Variants in TMEM132E observed in about 807,000 individuals in gnomAD.
TMEM132E encodes transmembrane protein 132E.
In TMEM132E, 49 loss-of-function variants were observed where a neutral mutation model predicts 78.5. The observed-to-expected ratio is 0.62, with a 90% CI of 0.50 to 0.79. The LOEUF (loss-of-function observed/expected upper bound fraction) is 0.79, where lower values mean the gene tolerates loss of function less well. Ranked by LOEUF, TMEM132E falls within the 30% of genes least tolerant of loss-of-function variation. The probability of loss-of-function intolerance (pLI) is 0.00; values close to 1 mark genes in which losing one functional copy is unlikely to be tolerated. For synonymous variants in TMEM132E, 715 were observed against 670.6 expected, an observed-to-expected ratio of 1.07 and a Z score of -1.02; for missense variants, 1,403 against 1,470.9, an observed-to-expected ratio of 0.95 and a Z score of 0.75.
In TMEM132E at chr17:34,637,950, C is replaced by G. The variant is rs375307089; in HGVS notation, c.2943C>G (p.Ser981Arg). Residue 981 changes from serine (S) to arginine (R), a missense_variant, in exon 9 of 9, where the codon AGC (serine) becomes AGG (arginine). Ser to Arg is a moderately radical substitution (Grantham distance 110). Coordinates refer to ENST00000631683, the MANE Select transcript of TMEM132E (RefSeq NM_001304438.2). ...SSGSSQTSVQ[S>R]QVHGRGDGSS... ...GCAGCTCGCAGACCAGCGTCCAGAG[C>G]CAGGTGCACGGCAGGGGCGACGGCT... The G allele has an allele frequency of 6.8e-6, 11 of 1,606,064 alleles. No homozygotes were observed. The highest frequency in any genetic ancestry group is 9.3e-6 in the Non-Finnish European group (11 of 1,177,582).
At chr17:34,608,264 T>C (rs1041117458) in intron 1 of TMEM132E, among the ~76,000 whole-genome samples, 1 of 152,222 alleles carries the variant, frequency 6.6e-6, no homozygotes. Flanking sequence ...AAACCAAATA[T>C]ATATTTCTTA....
rs1483324691 is a variant in TMEM132E at position 34,638,114 on chromosome 17, A to T, written c.3107A>T (p.Glu1036Val). The stretch of plus-strand genomic sequence containing the variant: ...TATGACTCGGTGCCCGCGGGCGAAG[A>T]GGACGAGGAGGAGGAAGAGGACCTG... ...LAYDSVPAGE[E>V]DEEEEEDLGW... is the part of the protein sequence containing the mutation. Residue 1036 changes from glutamate to valine, a missense_variant, in exon 9 of 9, where the codon GAG becomes GTG. Glu to Val is a moderately radical substitution (Grantham distance 121). This residue lies in a region of TMEM132E where 888 missense variants were observed against 952.8 expected (regional missense o/e 0.93). Transcript: ENST00000631683. 6 of 1,603,686 alleles carry T rather than the reference A, an allele frequency of 3.7e-6. No individual in the cohort carries two copies. The highest frequency in any genetic ancestry group is 5.1e-6 in the Non-Finnish European group (6 of 1,175,820).
rs151214976 is a variant in TMEM132E, at chr17:34,626,529, G to C, written c.470G>C (p.Gly157Ala). ...YVAGRDWDDF[G>A]VTERLPCVRL... ...GCCGGCCGGGACTGGGACGACTTCG[G>C]CGTCACCGAGCGGCTGCCCTGTGTC... Residue 157 changes from glycine (G) to alanine (A), a missense_variant, in exon 2 of 9, where the codon GGC (glycine) becomes GCC (alanine). Gly to Ala is a moderately conservative substitution (Grantham distance 60). This residue lies in a region of TMEM132E where 511 missense variants were observed against 499.0 expected (regional missense o/e 1.02). Coordinates refer to ENST00000631683, the MANE Select transcript of TMEM132E (RefSeq NM_001304438.2). The C allele has an allele frequency of 1.2e-4, 195 of 1,601,206 alleles. 2 individuals are homozygous for C. In the African/African-American group the frequency reaches 2.4e-3, roughly 20 times the overall value.
At chr17:34,622,274 A>G (rs182956900) in intron 1 of TMEM132E, among the ~76,000 whole-genome samples, 1 of 152,320 alleles carries the variant, frequency 6.6e-6, no homozygotes, top group East Asian at 1.9e-4. Flanking sequence ...AGAGAGATCA[A>G]GCAGGTTCCT....
At chr17:34,602,272 C>G (rs1906267534) in intron 1 of TMEM132E, among the ~76,000 whole-genome samples, 2 of 152,238 alleles carry the variant, frequency 1.3e-5, no homozygotes, top group South Asian at 4.1e-4. Context: ...CCACTGCCCC[C>G]TGGGCTGGCC....
rs1057028562 is a variant in TMEM132E at position 34,586,031 on chromosome 17, C to T, written c.67+4888C>T. ...TCTTGCTCTCCCAAATGTGAGGGGG[C>T]GGTGCCCTCCAAGCCCCCTCCCAAC... is the stretch of plus-strand genomic sequence containing the variant. On this transcript the variant is annotated intron_variant, in intron 1 of 8. Transcript: ENST00000631683. 9.2e-5 allele frequency among the ~76,000 whole-genome samples: 14 copies of T among 152,104 alleles called. No individual in the cohort carries two copies. The East Asian group carries it at 1.7e-3, about 19-fold the overall frequency.
chr17:34,581,546 C>G (rs1232322412), intron 1 of TMEM132E, among the ~76,000 whole-genome samples: 1 of 152,110 alleles, frequency 6.6e-6, no homozygotes, highest in Non-Finnish European at 1.5e-5. Context: ...GCCGGGATCG[C>G]GTCTTTCCTC....
At position 34,592,761 on chromosome 17, in the gene TMEM132E, A is replaced by G. The variant is rs1040329043; in HGVS notation, c.67+11618A>G. Among the ~76,000 whole-genome samples, 7 of 152,160 alleles carry G rather than the reference A, an allele frequency of 4.6e-5. No individual in the cohort carries two copies. In the East Asian group the frequency reaches 1.3e-3, roughly 29 times the overall value. On this transcript the variant is annotated intron_variant, in intron 1 of 8. Coordinates refer to ENST00000631683, the MANE Select transcript of TMEM132E (RefSeq NM_001304438.2). ...TGGTTGCCATAATCATTATTTCATAATGGTATCATTGGCATCAAGGAACAC... is the reference window on the plus strand; with the variant it reads ...TGGTTGCCATAATCATTATTTCATAGTGGTATCATTGGCATCAAGGAACAC...
Position 34,626,235 on chromosome 17 carries a change from G to A in TMEM132E, c.176G>A (p.Arg59Gln), listed in dbSNP as rs1481662989. Residue 59 changes from arginine (R) to glutamine (Q), a missense_variant, in exon 2 of 9, where the codon CGG becomes CAG. By Grantham distance (43) the Arg-to-Gln change is conservative. Around this residue, in one of 3 missense-constraint regions of TMEM132E, gnomAD observed 511 missense variants for 499.0 expected, o/e 1.02. Coordinates refer to ENST00000631683, the MANE Select transcript of TMEM132E (RefSeq NM_001304438.2). ...LSHTRLAFFL[R>Q]EARPPSPAVA... is the part of the protein sequence containing the mutation. ...CACACGCGGCTGGCCTTCTTCCTGCGGGAGGCGCGGCCCCCGTCACCCGCG... is the reference window on the plus strand; with the variant it reads ...CACACGCGGCTGGCCTTCTTCCTGCAGGAGGCGCGGCCCCCGTCACCCGCG... 9 of 1,592,848 alleles carry A rather than the reference G, an allele frequency of 5.7e-6. No individual in the cohort carries two copies. Among genetic ancestry groups the A allele is most frequent in the Non-Finnish European group, 7.7e-6 (9 of 1,170,298 alleles).
At chr17:34,612,509 C>T (rs1358881784) in intron 1 of TMEM132E, among the ~76,000 whole-genome samples, 1 of 152,258 alleles carries the variant, frequency 6.6e-6, no homozygotes, top group Non-Finnish European at 1.5e-5. Flanking sequence ...AGCCCACTCT[C>T]TGCCACTAAA....
At chr17:34,594,455 C>G (rs888576695) in intron 1 of TMEM132E, among the ~76,000 whole-genome samples, 2 of 152,178 alleles carry the variant, frequency 1.3e-5, no homozygotes, top group African/African-American at 2.4e-5. Flanking sequence ...TCCGTTTCCA[C>G]GTTTATAAAA....
At position 34,637,652 on chromosome 17, in the gene TMEM132E, G is replaced by A. The variant is rs904064618; in HGVS notation, c.2645G>A (p.Arg882Gln). The A allele has an allele frequency of 6.2e-7, 1 of 1,607,800 alleles. No individual in the cohort carries two copies. Among genetic ancestry groups the A allele is most frequent in the Non-Finnish European group, 8.5e-7 (1 of 1,179,504 alleles). The change falls in exon 9 of 9, where the codon CGG becomes CAG. Residue 882 changes from arginine to glutamine, a missense_variant. Arg to Gln is a conservative substitution (Grantham distance 43, BLOSUM62 1). Transcript: ENST00000631683. ...CCCACCGGCTTCCTGCAGGTGCCAC[G>A]GGGTCTGACAGACCTGGAGATCGGC... is the stretch of plus-strand genomic sequence containing the variant. ...PLPTGFLQVP[R>Q]GLTDLEIGMY...
intron 8 of TMEM132E, among the ~76,000 whole-genome samples, chr17:34,636,615 G>A (rs1327441169): frequency 2.6e-5 from 4 of 152,172 alleles, no homozygotes; most frequent in Non-Finnish European, 4.4e-5. Context: ...GAGGAGGTGA[G>A]CATCAAGTGC....
At chr17:34,606,455 G>A (rs377015456) in intron 1 of TMEM132E, among the ~76,000 whole-genome samples, 1 of 152,234 alleles carries the variant, frequency 6.6e-6, no homozygotes, top group South Asian at 2.1e-4. Context: ...GAATTCACAA[G>A]CATAGAAACT....
chr17:34,623,147 G>T (rs1160571231), intron 1 of TMEM132E, among the ~76,000 whole-genome samples: 1 of 152,144 alleles, frequency 6.6e-6, no homozygotes, highest in East Asian at 1.9e-4. Context: ...TGTTGGTTTT[G>T]CCAGACCAGG....
Position 34,626,985 on chromosome 17 carries a change from T to G in TMEM132E, c.926T>G (p.Leu309Arg). The change falls in exon 2 of 9, where the codon CTC becomes CGC. Residue 309 changes from leucine (L) to arginine (R), a missense_variant. This residue lies in a region of TMEM132E where 511 missense variants were observed against 499.0 expected (regional missense o/e 1.02). Transcript: ENST00000631683. ...PDRPLKPGEV[L>R]SILLYLAPNS... ...CGGCCCCTCAAGCCCGGGGAAGTGC[T>G]CAGCATCCTCCTCTATCTGGCCCCC... The G allele has an allele frequency of 6.2e-7, 1 of 1,613,890 alleles. No individual in the cohort carries two copies. Among genetic ancestry groups the G allele is most frequent in the Non-Finnish European group, 8.5e-7 (1 of 1,180,014 alleles).
At chr17:34,586,800 T>C (rs1905695897) in intron 1 of TMEM132E, among the ~76,000 whole-genome samples, 1 of 59,198 alleles carries the variant, frequency 1.7e-5, no homozygotes. Flanking sequence ...GGATGAATAA[T>C]TCAATGCAAA....
intron 1 of TMEM132E, among the ~76,000 whole-genome samples, chr17:34,596,053 C>CAT (rs1906047455): frequency 1.4e-5 from 1 of 69,874 alleles, no homozygotes. Context: ...CTGTCACACA[C>CAT]ACACACACAC....
intron 1 of TMEM132E, among the ~76,000 whole-genome samples, chr17:34,615,428 G>A (rs1906744795): frequency 6.6e-6 from 1 of 151,994 alleles, no homozygotes; most frequent in Admixed American, 6.6e-5. Context: ...CTGGTTTTAG[G>A]CAGAGGGAGC....
Sources: allele counts gnomAD v4.1 joint callset (sites outside exome capture counted in the v4.1 genomes callset), GRCh38; gene constraint gnomAD v4.1.1; regional missense constraint gnomAD v4.1.1; transcripts MANE v1.5; gene names NCBI Gene and HGNC (gene_info 2026-07-23, HGNC 2026-07-21).